LOC128462377: variants seen among roughly 807,000 people sequenced by gnomAD.
chr16:89,408,143 G>A, the LOC128462377 span, among the ~76,000 whole-genome samples: 1 of 152,268 alleles, frequency 6.6e-6, no homozygotes, highest in African/African-American at 2.4e-5. Flanking sequence ...AAGGACTTGC[G>A]CATGGCCCCA....
chr16:89,318,498 C>T, the LOC128462377 span, among the ~76,000 whole-genome samples: 5 of 152,256 alleles, frequency 3.3e-5, no homozygotes. Flanking sequence ...CTGCAACTCG[C>T]TCCCCTGCAT....
chr16:89,415,829 C>CAAACAAAAAAAAAAAAAAAAAAAAAAAA, the LOC128462377 span, among the ~76,000 whole-genome samples: 1 of 39,744 alleles, frequency 2.5e-5, no homozygotes, highest in Non-Finnish European at 4.7e-5. Flanking sequence ...GACTCTGTCT[C>CAAACAAAAAAAAAAAAAAAAAAAAAAAA]AAAAAAAAAA....
the LOC128462377 span, among the ~76,000 whole-genome samples, chr16:89,416,587 T>C: frequency 2.6e-5 from 4 of 151,500 alleles, no homozygotes; most frequent in Non-Finnish European, 5.9e-5. Context: ...CGTGAGCCAC[T>C]GTGCCTGGCC....
At chr16:89,409,613 A>G in the LOC128462377 span, among the ~76,000 whole-genome samples, 1 of 152,338 alleles carries the variant, frequency 6.6e-6, no homozygotes, top group South Asian at 2.1e-4. Flanking sequence ...CAGGAGTTCC[A>G]GGCCAGTCTG....
the LOC128462377 span, among the ~76,000 whole-genome samples, chr16:89,330,413 G>C: frequency 6.6e-6 from 1 of 152,212 alleles, no homozygotes; most frequent in Non-Finnish European, 1.5e-5. Flanking sequence ...CGCACACCGG[G>C]AGGGCTGCTG....
the LOC128462377 span, among the ~76,000 whole-genome samples, chr16:89,322,075 G>T: frequency 8.6e-4 from 131 of 152,310 alleles, no homozygotes; most frequent in Non-Finnish European, 1.6e-3. Context: ...GGTCAGGAAG[G>T]CTCTGGTCAA....
At chr16:89,393,320 T>TA in the LOC128462377 span, among the ~76,000 whole-genome samples, 269 of 148,136 alleles carry the variant, frequency 1.8e-3, 3 homozygotes, top group African/African-American at 6.1e-3. Context: ...TTTTATTTTT[T>TA]TTTTTTTTGA....
the LOC128462377 span, among the ~76,000 whole-genome samples, chr16:89,380,352 T>C: frequency 6.6e-6 from 1 of 152,170 alleles, no homozygotes; most frequent in African/African-American, 2.4e-5. Context: ...CCTCAGGTGA[T>C]CCACCCACCT....
At chr16:89,382,337 T>TATA in the LOC128462377 span, among the ~76,000 whole-genome samples, 2,549 of 149,720 alleles carry the variant, frequency 0.017, 33 homozygotes, top group African/African-American at 0.04. Context: ...ATATATATAT[T>TATA]TTTTTAAAGA....
At chr16:89,345,720 C>T in the LOC128462377 span, among the ~76,000 whole-genome samples, 1 of 152,122 alleles carries the variant, frequency 6.6e-6, no homozygotes, top group South Asian at 2.1e-4. Context: ...ATGTTTAATC[C>T]ATGAACAAAC....
the LOC128462377 span, among the ~76,000 whole-genome samples, chr16:89,387,692 G>GAAAAAAAAAAAAAAAA: frequency 1.5e-5 from 1 of 67,496 alleles, no homozygotes; most frequent in Non-Finnish European, 3.1e-5. Flanking sequence ...AAAAGAAAAA[G>GAAAAAAAAAAAAAAAA]AAAAAAAAAA....
chr16:89,414,604 G>A, the LOC128462377 span, among the ~76,000 whole-genome samples: 10 of 152,172 alleles, frequency 6.6e-5, no homozygotes, highest in Non-Finnish European at 8.8e-5. Flanking sequence ...CAGTAGATAC[G>A]ACCGTGACCA....
the LOC128462377 span, among the ~76,000 whole-genome samples, chr16:89,397,886 C>A: frequency 6.6e-6 from 1 of 152,252 alleles, no homozygotes; most frequent in South Asian, 2.1e-4. Context: ...GGGCATGGGA[C>A]TCTCCATCCC....
chr16:89,325,465 T>TCACACACA, the LOC128462377 span, among the ~76,000 whole-genome samples: 39 of 139,446 alleles, frequency 2.8e-4, no homozygotes, highest in African/African-American at 1.1e-3. Context: ...TCTCTCTCTC[T>TCACACACA]CTCTCACACA....
At chr16:89,341,363 T>C in the LOC128462377 span, among the ~76,000 whole-genome samples, 1 of 152,192 alleles carries the variant, frequency 6.6e-6, no homozygotes, top group Non-Finnish European at 1.5e-5. Context: ...ATTTAAGTTG[T>C]AACAGGGCAA....
the LOC128462377 span, chr16:89,340,023 C>T: frequency 1.3e-5 from 2 of 152,202 alleles, no homozygotes; most frequent in Admixed American, 6.5e-5. Context: ...GCAGTGTGCG[C>T]TCCTCGTTGT....
the LOC128462377 span, among the ~76,000 whole-genome samples, chr16:89,409,093 G>C: frequency 6.6e-6 from 1 of 152,228 alleles, no homozygotes; most frequent in Non-Finnish European, 1.5e-5. Context: ...GGGAAGCTGG[G>C]GGCCCAGGCC....
At chr16:89,328,108 G>A in the LOC128462377 span, among the ~76,000 whole-genome samples, 16 of 152,072 alleles carry the variant, frequency 1.1e-4, no homozygotes, top group Non-Finnish European at 4.4e-5. Context: ...GAAGGCACTC[G>A]ACATCCTAAG....
At chr16:89,324,255 G>T in the LOC128462377 span, 1 of 1,227,338 alleles carries the variant, frequency 8.1e-7, no homozygotes, top group Non-Finnish European at 1.0e-6. Context: ...TGGTCACTGG[G>T]CTGTGGAACA....
Sources: allele counts gnomAD v4.1 joint callset (sites outside exome capture counted in the v4.1 genomes callset), GRCh38; gene constraint gnomAD v4.1.1; transcripts MANE v1.5.